The following TBC1D19 variants were observed in gnomAD, a reference collection of about 807,000 sequenced individuals.
TBC1D19 encodes the protein TBC1 domain family, member 19.
A neutral mutation model predicts 89.0 loss-of-function variants in TBC1D19; 60 were observed. That is an observed-to-expected ratio of 0.67 (90% confidence interval 0.55 to 0.84). TBC1D19 has a LOEUF of 0.84. TBC1D19 is among the 40% of genes least tolerant of loss of function. TBC1D19 has a pLI of 0.00. For synonymous variants in TBC1D19, 189 were observed against 199.7 expected (o/e 0.95, Z 0.45); for missense variants, 500 against 610.8 (o/e 0.82, Z 1.91).
the TBC1D19 span, among the ~76,000 whole-genome samples, chr4:26,779,133 A>T: frequency 6.6e-6 from 1 of 152,184 alleles, no homozygotes; most frequent in East Asian, 1.9e-4. Flanking sequence ...GGGGCCTGAG[A>T]TTCTTCATTT....
At chr4:26,798,979 A>G in the TBC1D19 span, among the ~76,000 whole-genome samples, 46 of 152,308 alleles carry the variant, frequency 3.0e-4, no homozygotes, top group African/African-American at 9.6e-4. Context: ...TCCTACTAGT[A>G]TGCAATATGC....
Position 26,755,059 on chromosome 4 carries a change from T to C in TBC1D19, c.*112T>C. The C allele has an allele frequency of 1.1e-6, 1 of 904,198 alleles. No individual in the cohort carries two copies. Among genetic ancestry groups the C allele is most frequent in the Middle Eastern group, 2.3e-4 (1 of 4,352 alleles). 56.0% of individuals were successfully genotyped at this position (904,198 alleles called of 1,614,324 possible). ...AACTTTGCATATAAGCCAATAAAGA[T>C]CATGTTCCCTCTTCAGTTAAACCTA... On this transcript the variant is annotated 3_prime_UTR_variant, in exon 21 of 21. Transcript: ENST00000264866.
chr4:26,831,710 G>A, the TBC1D19 span, among the ~76,000 whole-genome samples: 3 of 151,548 alleles, frequency 2.0e-5, no homozygotes, highest in African/African-American at 7.3e-5. Context: ...AGCCTCTCAA[G>A]TAGCTGGGAC....
chr4:26,577,177 C>CT (rs1023282312), intron 1 of TBC1D19, among the ~76,000 whole-genome samples: 13 of 151,992 alleles, frequency 8.6e-5, no homozygotes, highest in African/African-American at 2.2e-4. Context: ...GCAATATCAA[C>CT]TTTTTTTTAA....
the TBC1D19 span, among the ~76,000 whole-genome samples, chr4:26,852,308 C>A: frequency 6.6e-6 from 1 of 152,138 alleles, no homozygotes; most frequent in African/African-American, 2.4e-5. Context: ...AATCCCAGCA[C>A]TTTGGGAGAC....
the TBC1D19 span, among the ~76,000 whole-genome samples, chr4:26,853,372 T>C: frequency 6.6e-6 from 1 of 152,334 alleles, no homozygotes; most frequent in Non-Finnish European, 1.5e-5. Context: ...TATCATTATC[T>C]AATATACAAC....
At chr4:26,657,665 T>A (rs937881383) in intron 7 of TBC1D19, among the ~76,000 whole-genome samples, 1 of 152,128 alleles carries the variant, frequency 6.6e-6, no homozygotes, top group African/African-American at 2.4e-5. Flanking sequence ...CGCCACACTG[T>A]CTTCCACAAT....
At chr4:26,766,047 G>A in the TBC1D19 span, among the ~76,000 whole-genome samples, 1 of 152,144 alleles carries the variant, frequency 6.6e-6, no homozygotes, top group Non-Finnish European at 1.5e-5. Context: ...GAGGTGGGGA[G>A]AGTGTTTGTG....
At chr4:26,618,546 T>A (rs1741837672) in intron 3 of TBC1D19, among the ~76,000 whole-genome samples, 1 of 152,248 alleles carries the variant, frequency 6.6e-6, no homozygotes, top group Non-Finnish European at 1.5e-5. Flanking sequence ...ATTGTGCCTC[T>A]TAAGACTTTG....
chr4:26,732,263 T>C (rs1329646711), intron 15 of TBC1D19, among the ~76,000 whole-genome samples: 4 of 152,222 alleles, frequency 2.6e-5, no homozygotes, highest in African/African-American at 4.8e-5. Context: ...TTTATGACAA[T>C]CATCACATGA....
intron 12 of TBC1D19, among the ~76,000 whole-genome samples, chr4:26,686,153 A>G (rs1188101435): frequency 6.6e-6 from 1 of 152,216 alleles, no homozygotes; most frequent in Non-Finnish European, 1.5e-5. Context: ...CTGTTATTAC[A>G]GCTCCCTATA....
At chr4:26,720,946 GT>G (rs1255132797) in intron 15 of TBC1D19, among the ~76,000 whole-genome samples, 1 of 152,116 alleles carries the variant, frequency 6.6e-6, no homozygotes, top group African/African-American at 2.4e-5. Context: ...TGTTATGAGT[GT>G]GTTTAACTTT....
intron 8 of TBC1D19, among the ~76,000 whole-genome samples, chr4:26,662,201 A>G (rs1228210789): frequency 3.3e-5 from 5 of 152,240 alleles, no homozygotes; most frequent in African/African-American, 1.2e-4. Context: ...TTAACCATTT[A>G]TTCCCAGAAG....
At chr4:26,599,950 CAAAAAAAAAAAA>C (rs36092049) in intron 1 of TBC1D19, among the ~76,000 whole-genome samples, 2 of 72,782 alleles carry the variant, frequency 2.7e-5, no homozygotes, top group East Asian at 4.4e-4. Flanking sequence ...TCTGTCTCTC[CAAAAAAAAAAAA>C]AAAAAAAAAA....
chr4:26,724,647 C>T (rs1389663696), intron 15 of TBC1D19, among the ~76,000 whole-genome samples: 2 of 152,202 alleles, frequency 1.3e-5, no homozygotes, highest in Non-Finnish European at 2.9e-5. Flanking sequence ...CTCTTTCAGT[C>T]TTTGCAGATT....
At chr4:26,673,424 C>CATATATATATATAT (rs769124292) in intron 10 of TBC1D19, among the ~76,000 whole-genome samples, 2 of 106,014 alleles carry the variant, frequency 1.9e-5, no homozygotes, top group African/African-American at 3.5e-5. Context: ...AAAATTATTT[C>CATATATATATATAT]ATATATATAT....
chr4:26,617,873 T>A (rs1364102285), intron 3 of TBC1D19, among the ~76,000 whole-genome samples: 1 of 152,236 alleles, frequency 6.6e-6, no homozygotes, highest in African/African-American at 2.4e-5. Context: ...TTTGCTGTTA[T>A]AGTAGATATA....
At chr4:26,681,784 A>G (rs1276171815) in intron 11 of TBC1D19, among the ~76,000 whole-genome samples, 2 of 152,104 alleles carry the variant, frequency 1.3e-5, no homozygotes, top group Non-Finnish European at 2.9e-5. Context: ...TTAAATGTGT[A>G]TTGTTTAACA....
chr4:26,587,847 T>G (rs1338901779), intron 1 of TBC1D19, among the ~76,000 whole-genome samples: 1 of 151,866 alleles, frequency 6.6e-6, no homozygotes, highest in African/African-American at 2.4e-5. Context: ...TCAGGTTATC[T>G]ATTTCTTCTT....
Sources: allele counts gnomAD v4.1 joint callset (sites outside exome capture counted in the v4.1 genomes callset), GRCh38; gene constraint gnomAD v4.1.1; transcripts MANE v1.5; gene names NCBI Gene and HGNC (gene_info 2026-07-23, HGNC 2026-07-21).